The following DOCK4 variants were observed in gnomAD, a reference collection of about 807,000 sequenced individuals.
DOCK4 encodes the protein dedicator of cytokinesis protein 4.
DOCK4 carries 97 observed loss-of-function variants against 268.1 expected under a neutral mutation model. The ratio of observed to expected loss-of-function variants is 0.36; its 90% confidence interval spans 0.31 to 0.43. DOCK4 has a LOEUF of 0.43. DOCK4 is among the 20% of genes least tolerant of loss of function. The pLI is 1.00. For synonymous variants in DOCK4, 954 were observed against 887.2 expected (o/e 1.08, Z -1.34); for missense variants, 2,145 against 2,455.7 (o/e 0.87, Z 2.67).
Position 111,844,844 on chromosome 7 carries a change from A to G in DOCK4, c.2655T>C (p.Ile885=), listed in dbSNP as rs2134081324. ...IDVIVASLLD[I]LLRTILEITS... ...TGATCTCCAATATGGTCCTCAGCAG[A>G]ATATCCAGCAAGCTGGCCACTATCA... The change falls in exon 25 of 53, where the codon ATT becomes ATC. Residue 885 remains isoleucine (I), a synonymous_variant. Transcript: ENST00000428084. 1 of 1,613,638 alleles carries G rather than the reference A, an allele frequency of 6.2e-7. No individual in the cohort carries two copies. Among genetic ancestry groups the G allele is most frequent in the South Asian group, 1.1e-5 (1 of 91,012 alleles).
chr7:111,935,548 G>C lies in DOCK4; in HGVS notation c.1058C>G (p.Ser353Cys). 1 of 1,613,050 alleles carries C rather than the reference G, an allele frequency of 6.2e-7. No homozygotes were observed. The highest frequency in any genetic ancestry group is 8.5e-7 in the Non-Finnish European group (1 of 1,179,540). The stretch of plus-strand genomic sequence containing the variant: ...CCAGCCCATACACTCACCTGCATTG[G>C]AGCCAGTCAAGTTATAACGTGCATT... ...KLNARYNLTGSNAGLAVSLQL... is the reference protein window; with the variant it reads ...KLNARYNLTGCNAGLAVSLQL... Residue 353 changes from serine to cysteine, a missense_variant, in exon 12 of 53, where the codon TCC becomes TGC. Around this residue, in one of 2 missense-constraint regions of DOCK4, gnomAD observed 1,598 missense variants for 1,986.7 expected, o/e 0.80. Transcript: ENST00000428084.
intron 1 of DOCK4, among the ~76,000 whole-genome samples, chr7:112,099,987 T>C (rs929528142): frequency 6.6e-6 from 1 of 152,220 alleles, no homozygotes; most frequent in African/African-American, 2.4e-5. Flanking sequence ...TATTTTATCC[T>C]CTTAATGTTC....
chr7:112,175,583 G>A (rs1818435364), intron 1 of DOCK4, among the ~76,000 whole-genome samples: 1 of 148,588 alleles, frequency 6.7e-6, no homozygotes, highest in Admixed American at 6.7e-5. Context: ...AGGTTTTGTG[G>A]CCATAAAACT....
intron 1 of DOCK4, among the ~76,000 whole-genome samples, chr7:112,020,807 G>T (rs1220112330): frequency 1.3e-5 from 2 of 152,074 alleles, no homozygotes; most frequent in Non-Finnish European, 2.9e-5. Context: ...CCTGGCTTTA[G>T]ATGTTTCTTT....
chr7:111,877,908 C>A (rs898884617), intron 16 of DOCK4, among the ~76,000 whole-genome samples: 4 of 152,160 alleles, frequency 2.6e-5, no homozygotes, highest in African/African-American at 9.7e-5. Context: ...TTCCTACTGG[C>A]AAGAAGACAA....
chr7:111,749,914 G>A (rs1796519659), intron 42 of DOCK4, among the ~76,000 whole-genome samples: 2 of 152,176 alleles, frequency 1.3e-5, no homozygotes, highest in Admixed American at 6.5e-5. Context: ...CCATTGCTGA[G>A]CCATGAATCA....
rs139534534 is a variant in DOCK4 at position 111,862,075 on chromosome 7, C to T, written c.2473+1297G>A. ...CAGCACTTTGGGAGGCCAAGGTGGA[C>T]GGATTGCAAGGTCAGGAGTTCGACA... On this transcript the variant is annotated intron_variant, in intron 23 of 52. Transcript: ENST00000428084. Among the ~76,000 whole-genome samples, 502 of 152,068 alleles carry T rather than the reference C, an allele frequency of 3.3e-3. 2 individuals carry two copies. Among genetic ancestry groups the T allele is most frequent in the African/African-American group, 0.011 (472 of 41,492 alleles).
intron 8 of DOCK4, among the ~76,000 whole-genome samples, chr7:111,961,876 A>T (rs984214395): frequency 4.6e-5 from 7 of 152,346 alleles, no homozygotes; most frequent in Non-Finnish European, 7.4e-5. Flanking sequence ...CTTTAAAGAC[A>T]TTGGAAAAAA....
At chr7:112,045,025 C>A (rs529556404) in intron 1 of DOCK4, among the ~76,000 whole-genome samples, 2 of 152,232 alleles carry the variant, frequency 1.3e-5, no homozygotes, top group South Asian at 4.1e-4. Context: ...TGAAAACTCA[C>A]ATCCTTTTCA....
chr7:111,859,799 C>T (rs558858358), intron 23 of DOCK4, among the ~76,000 whole-genome samples: 1 of 151,968 alleles, frequency 6.6e-6, no homozygotes, highest in East Asian at 1.9e-4. Flanking sequence ...GATCTTCTGA[C>T]CTCGTGATCC....
chr7:112,189,875 C>T (rs1173434747), intron 1 of DOCK4, among the ~76,000 whole-genome samples: 2 of 151,712 alleles, frequency 1.3e-5, no homozygotes, highest in Non-Finnish European at 2.9e-5. Flanking sequence ...AGTCACCACA[C>T]CCGGCTTTCT....
chr7:112,130,219 G>C (rs1255587049), intron 1 of DOCK4, among the ~76,000 whole-genome samples: 1 of 152,148 alleles, frequency 6.6e-6, no homozygotes, highest in African/African-American at 2.4e-5. Context: ...GAGGACGGGG[G>C]CTGTGTGACA....
chr7:111,791,940 A>T (rs1799578728), intron 30 of DOCK4, among the ~76,000 whole-genome samples: 1 of 152,216 alleles, frequency 6.6e-6, no homozygotes, highest in Admixed American at 6.5e-5. Flanking sequence ...CCCCCAAAAG[A>T]ATATAAACAT....
At chr7:111,855,465 C>T (rs1024960166) in intron 23 of DOCK4, among the ~76,000 whole-genome samples, 2 of 152,036 alleles carry the variant, frequency 1.3e-5, no homozygotes, top group African/African-American at 4.8e-5. Flanking sequence ...AAAGACTAAG[C>T]TCAGAGAGAA....
intron 26 of DOCK4, among the ~76,000 whole-genome samples, chr7:111,830,081 A>G (rs912464949): frequency 2.6e-5 from 4 of 152,216 alleles, no homozygotes; most frequent in Non-Finnish European, 5.9e-5. Context: ...GAACATAACT[A>G]GAAATATTTG....
chr7:112,075,492 C>T lies in DOCK4; in HGVS notation c.38-71361G>A, dbSNP rs145178262. Among the ~76,000 whole-genome samples the T allele has an allele frequency of 3.9e-3, 588 of 152,304 alleles. 5 individuals are homozygous for T. Among genetic ancestry groups the T allele is most frequent in the African/African-American group, 0.013 (548 of 41,564 alleles). On this transcript the variant is annotated intron_variant, in intron 1 of 52. Transcript: ENST00000428084. ...AGAAACCGTAACACTATGACAAAGTCTTTCCTCTGAAAAGTTACATAACTT... is the reference window on the plus strand; with the variant it reads ...AGAAACCGTAACACTATGACAAAGTTTTTCCTCTGAAAAGTTACATAACTT...
intron 1 of DOCK4, among the ~76,000 whole-genome samples, chr7:112,066,495 T>TCC (rs1258565800): frequency 1.2e-4 from 17 of 136,912 alleles, no homozygotes; most frequent in African/African-American, 5.9e-4. Flanking sequence ...TTTCTCTCTC[T>TCC]CCCTCTCTCT....
In DOCK4 at chr7:111,985,476, T is replaced by G. The variant is rs550586864; in HGVS notation, c.465-1086A>C. ...CCACAGCTTTCTTACTTTCGTATTT[T>G]AAAAAAATCTGAAATTCTTCCATGC... On this transcript the variant is annotated intron_variant, in intron 6 of 52. Transcript: ENST00000428084. Among the ~76,000 whole-genome samples, 74 of 152,254 alleles carry G rather than the reference T, an allele frequency of 4.9e-4. 1 individual carries two copies. Among genetic ancestry groups the G allele is most frequent in the Non-Finnish European group, 9.1e-4 (62 of 68,012 alleles).
chr7:112,073,976 C>G (rs568406429), intron 1 of DOCK4, among the ~76,000 whole-genome samples: 56 of 152,240 alleles, frequency 3.7e-4, no homozygotes, highest in African/African-American at 1.3e-3. Flanking sequence ...TGAATCTATA[C>G]ACGAATCAAA....
Sources: allele counts gnomAD v4.1 joint callset (sites outside exome capture counted in the v4.1 genomes callset), GRCh38; gene constraint gnomAD v4.1.1; regional missense constraint gnomAD v4.1.1; transcripts MANE v1.5; gene names NCBI Gene and HGNC (gene_info 2026-07-23, HGNC 2026-07-21).